IMMP2L: variants seen among roughly 807,000 people sequenced by gnomAD.
IMMP2L encodes mitochondrial inner membrane protease subunit 2.
In IMMP2L, 18 loss-of-function variants were observed where a neutral mutation model predicts 19.3. The observed-to-expected ratio is 0.93, with a 90% confidence interval of 0.64 to 1.38. The LOEUF (loss-of-function observed/expected upper bound fraction) is 1.38, where lower values mean the gene tolerates loss of function less well. IMMP2L is among the 40% of genes most tolerant of loss of function. The pLI, the probability that IMMP2L is intolerant of heterozygous loss-of-function variation, is 0.00. For synonymous variants in IMMP2L, 76 were observed against 73.0 expected, an observed-to-expected ratio of 1.04 and a Z score of -0.21; for missense variants, 233 against 218.2, an observed-to-expected ratio of 1.07 and a Z score of -0.43.
chr7:110,911,924 A>T (rs1813097619), intron 4 of IMMP2L, among the ~76,000 whole-genome samples: 1 of 152,120 alleles, frequency 6.6e-6, no homozygotes, highest in Non-Finnish European at 1.5e-5. Flanking sequence ...CAGTAAATGC[A>T]TTCAGAATTT....
intron 3 of IMMP2L, among the ~76,000 whole-genome samples, chr7:111,314,865 T>G (rs1473813991): frequency 6.6e-6 from 1 of 152,164 alleles, no homozygotes; most frequent in Non-Finnish European, 1.5e-5. Flanking sequence ...AGTAAAAATG[T>G]AACTTAAATT....
At chr7:111,252,709 G>C (rs1816285285) in intron 3 of IMMP2L, among the ~76,000 whole-genome samples, 1 of 152,066 alleles carries the variant, frequency 6.6e-6, no homozygotes. Context: ...ATCTACTTAA[G>C]GTTAGTAACA....
chr7:111,526,531 G>A (rs920342567), intron 1 of IMMP2L, among the ~76,000 whole-genome samples: 10 of 152,186 alleles, frequency 6.6e-5, no homozygotes, highest in Non-Finnish European at 1.3e-4. Flanking sequence ...CAGATAATAC[G>A]GGGTAACACT....
intron 5 of IMMP2L, among the ~76,000 whole-genome samples, chr7:110,715,105 G>T (rs1402797755): frequency 1.3e-5 from 2 of 152,142 alleles, no homozygotes; most frequent in African/African-American, 4.8e-5. Context: ...TCTGTGGGAT[G>T]TGTTGTAATG....
intron 2 of IMMP2L, among the ~76,000 whole-genome samples, chr7:111,502,326 C>G (rs1263867516): frequency 6.6e-6 from 1 of 152,112 alleles, no homozygotes; most frequent in Non-Finnish European, 1.5e-5. Flanking sequence ...AAAGCAAGTC[C>G]TTAGTGACCT....
At chr7:111,432,187 T>C (rs1836700891) in intron 3 of IMMP2L, among the ~76,000 whole-genome samples, 2 of 151,402 alleles carry the variant, frequency 1.3e-5, no homozygotes, top group Non-Finnish European at 2.9e-5. Context: ...AGGACTGAAT[T>C]AGAGGACACC....
chr7:110,866,826 A>T (rs1282639699), intron 5 of IMMP2L, among the ~76,000 whole-genome samples: 1 of 152,104 alleles, frequency 6.6e-6, no homozygotes, highest in Non-Finnish European at 1.5e-5. Context: ...GCATACACAC[A>T]TAGCTTCAGT....
intron 3 of IMMP2L, among the ~76,000 whole-genome samples, chr7:111,306,654 G>C (rs1822912358): frequency 8.6e-6 from 1 of 116,118 alleles, no homozygotes; most frequent in Non-Finnish European, 1.8e-5. Context: ...GTGTGTGTGT[G>C]TCCAGTTTTA....
intron 3 of IMMP2L, among the ~76,000 whole-genome samples, chr7:111,296,659 TACACAC>T (rs901833665): frequency 1.3e-5 from 2 of 151,912 alleles, no homozygotes; most frequent in Admixed American, 1.3e-4. Flanking sequence ...ATACACTTAG[TACACAC>T]TTAGCACTCA....
chr7:111,460,999 C>T (rs1402454197), intron 3 of IMMP2L, among the ~76,000 whole-genome samples: 1 of 102,110 alleles, frequency 9.8e-6, no homozygotes, highest in African/African-American at 4.5e-5. Flanking sequence ...ATTTATTTAA[C>T]AGCATAATCT....
intron 4 of IMMP2L, among the ~76,000 whole-genome samples, chr7:110,908,451 T>C (rs1394120681): frequency 2.0e-5 from 3 of 152,198 alleles, no homozygotes; most frequent in Non-Finnish European, 4.4e-5. Flanking sequence ...TTAGGCTCCC[T>C]GTATTGAAAT....
intron 3 of IMMP2L, among the ~76,000 whole-genome samples, chr7:110,968,256 T>C (rs1819769253): frequency 1.3e-5 from 2 of 151,214 alleles, no homozygotes; most frequent in Non-Finnish European, 1.5e-5. Flanking sequence ...TTTGTTTGAT[T>C]CATGCATTAA....
intron 3 of IMMP2L, among the ~76,000 whole-genome samples, chr7:111,120,510 A>G (rs1317344956): frequency 6.6e-6 from 1 of 152,154 alleles, no homozygotes; most frequent in Non-Finnish European, 1.5e-5. Flanking sequence ...GAATTATCGG[A>G]GCTACAATTC....
intron 5 of IMMP2L, among the ~76,000 whole-genome samples, chr7:110,683,402 C>G (rs1457157046): frequency 6.6e-6 from 1 of 151,938 alleles, no homozygotes; most frequent in Admixed American, 6.6e-5. Flanking sequence ...CCACTTTGGT[C>G]AGAAAAAAAC....
At chr7:111,382,243 T>C (rs1831267563) in intron 3 of IMMP2L, among the ~76,000 whole-genome samples, 1 of 151,106 alleles carries the variant, frequency 6.6e-6, no homozygotes, top group South Asian at 2.1e-4. Context: ...AAGAGTAGAA[T>C]CACAAAAACC....
In IMMP2L at chr7:111,536,479, A is replaced by G. The variant is rs148327574; in HGVS notation, c.-2-15030T>C. Among the ~76,000 whole-genome samples, 322 of 151,912 alleles carry G rather than the reference A, an allele frequency of 2.1e-3. 3 individuals carry two copies. Among genetic ancestry groups the G allele is most frequent in the African/African-American group, 7.4e-3 (305 of 41,432 alleles). ...CACCACCAGGCCTGGCTAATTTTTT[A>G]TATTTTTTGTAGAGATGGAGTTTCA... On this transcript the variant is annotated intron_variant, in intron 1 of 5. Coordinates refer to ENST00000405709, the MANE Select transcript of IMMP2L (RefSeq NM_032549.4).
chr7:110,977,805 A>G (rs1820857985), intron 3 of IMMP2L, among the ~76,000 whole-genome samples: 1 of 151,874 alleles, frequency 6.6e-6, no homozygotes, highest in African/African-American at 2.4e-5. Flanking sequence ...AATTAAAGAT[A>G]GTACAGATAG....
At chr7:110,922,000 CTTA>C (rs1814348123) in intron 4 of IMMP2L, among the ~76,000 whole-genome samples, 1 of 152,090 alleles carries the variant, frequency 6.6e-6, no homozygotes, top group South Asian at 2.1e-4. Flanking sequence ...AACTTGTATG[CTTA>C]TTATAGATTT....
At chr7:110,734,178 AAAG>A (rs1207943828) in intron 5 of IMMP2L, among the ~76,000 whole-genome samples, 4 of 152,212 alleles carry the variant, frequency 2.6e-5, no homozygotes, top group Admixed American at 6.5e-5. Context: ...GTGAGAGCTC[AAAG>A]AAGAAGAGAG....
Sources: gnomAD v4.1 joint callset for allele counts (sites outside exome capture counted in the v4.1 genomes callset) on GRCh38, gnomAD v4.1.1 for gene constraint, MANE v1.5 for transcripts, NCBI Gene and HGNC (gene_info 2026-07-23, HGNC 2026-07-21) for gene names.